The following SCARA5 variants were observed in gnomAD, a reference collection of about 807,000 sequenced individuals.
SCARA5 encodes scavenger receptor class A member 5.
Under a neutral mutation model 46.3 loss-of-function variants are expected in SCARA5, and 45 were observed. The ratio of observed to expected loss-of-function variants is 0.97; its 90% CI spans 0.76 to 1.24. The LOEUF is 1.24. SCARA5 is among the 50% of genes most tolerant of loss of function. The pLI, the probability that SCARA5 is intolerant of heterozygous loss-of-function variation, is 0.00. For missense variants in SCARA5, 680 were observed against 689.0 expected (o/e 0.99, Z 0.15); for synonymous variants, 333 against 306.5 (o/e 1.09, Z -0.90).
At chr8:27,912,134 A>G (rs1807387536) in intron 4 of SCARA5, among the ~76,000 whole-genome samples, 1 of 152,202 alleles carries the variant, frequency 6.6e-6, no homozygotes, top group African/African-American at 2.4e-5. Flanking sequence ...TAAACCACCA[A>G]GTTTATGATG....
At chr8:27,893,807 G>T (rs1453038289) in intron 7 of SCARA5, among the ~76,000 whole-genome samples, 1 of 152,226 alleles carries the variant, frequency 6.6e-6, no homozygotes, top group Non-Finnish European at 1.5e-5. Flanking sequence ...TATCACTGGG[G>T]TGTGAGATGA....
chr8:27,905,783 T>C (rs1807252259), intron 6 of SCARA5, among the ~76,000 whole-genome samples: 1 of 147,448 alleles, frequency 6.8e-6, no homozygotes, highest in Non-Finnish European at 1.5e-5. Context: ...CAATCTTAGC[T>C]CACTGCAACT....
chr8:27,991,004 A>T (rs1808779127), intron 1 of SCARA5, among the ~76,000 whole-genome samples: 1 of 152,250 alleles, frequency 6.6e-6, no homozygotes, highest in African/African-American at 2.4e-5. Context: ...TTAGAGCTGG[A>T]AAAGCCCTCA....
intron 4 of SCARA5, among the ~76,000 whole-genome samples, chr8:27,917,877 G>A (rs184077643): frequency 1.3e-5 from 2 of 152,294 alleles, no homozygotes; most frequent in Non-Finnish European, 2.9e-5. Flanking sequence ...CATGTGTTTG[G>A]AAGAAGAAAT....
chr8:27,890,626 T>C (rs1806966288), intron 7 of SCARA5, among the ~76,000 whole-genome samples: 1 of 151,644 alleles, frequency 6.6e-6, no homozygotes, highest in Admixed American at 6.6e-5. Context: ...CAACCTCCAG[T>C]GCCTGCATAT....
At chr8:27,917,067 T>C (rs1316818366) in intron 4 of SCARA5, among the ~76,000 whole-genome samples, 2 of 152,182 alleles carry the variant, frequency 1.3e-5, no homozygotes, top group Non-Finnish European at 2.9e-5. Context: ...AGGGCCCAAC[T>C]CTGCTGGCCC....
intron 3 of SCARA5, among the ~76,000 whole-genome samples, chr8:27,953,621 C>A (rs1377448525): frequency 6.6e-6 from 1 of 152,190 alleles, no homozygotes; most frequent in Non-Finnish European, 1.5e-5. Context: ...CTCTAGACGG[C>A]AGTTGCTAGC....
At chr8:27,902,067 A>G (rs1200649971) in intron 7 of SCARA5, among the ~76,000 whole-genome samples, 1 of 150,982 alleles carries the variant, frequency 6.6e-6, no homozygotes, top group Non-Finnish European at 1.5e-5. Context: ...CAGCCCCTTC[A>G]CCTCCCAATT....
chr8:27,907,621 C>A (rs1470803503), intron 5 of SCARA5, among the ~76,000 whole-genome samples: 2 of 136,694 alleles, frequency 1.5e-5, no homozygotes, highest in African/African-American at 5.5e-5. Flanking sequence ...GTCACCCAGG[C>A]TGGAGTGGCA....
intron 3 of SCARA5, among the ~76,000 whole-genome samples, chr8:27,953,888 A>AAG (rs1218350512): frequency 3.3e-5 from 5 of 152,190 alleles, no homozygotes; most frequent in African/African-American, 1.2e-4. Context: ...AATAGGCATC[A>AAG]AGAGCCCAGT....
chr8:27,914,363 GC>G (rs1807426943), intron 4 of SCARA5, among the ~76,000 whole-genome samples: 1 of 152,218 alleles, frequency 6.6e-6, no homozygotes, highest in Non-Finnish European at 1.5e-5. Context: ...CATGGGCAGA[GC>G]CCCCAAATCT....
intron 2 of SCARA5, among the ~76,000 whole-genome samples, chr8:27,980,895 G>A (rs1225680505): frequency 6.6e-6 from 1 of 152,142 alleles, no homozygotes; most frequent in Non-Finnish European, 1.5e-5. Context: ...TTCAGCAGAA[G>A]GCCAGGATCA....
intron 2 of SCARA5, among the ~76,000 whole-genome samples, chr8:27,980,378 G>A (rs1808594713): frequency 1.3e-5 from 2 of 152,158 alleles, no homozygotes; most frequent in Admixed American, 6.5e-5. Context: ...CCAGGGCTCT[G>A]TCCTCACTGC....
chr8:27,982,545 C>T (rs922058648), intron 2 of SCARA5, among the ~76,000 whole-genome samples: 2 of 152,198 alleles, frequency 1.3e-5, no homozygotes, highest in Non-Finnish European at 2.9e-5. Context: ...TCCAGCCCCA[C>T]AGGAGGATGC....
intron 3 of SCARA5, among the ~76,000 whole-genome samples, chr8:27,935,255 G>A (rs1368199096): frequency 6.6e-6 from 1 of 152,204 alleles, no homozygotes; most frequent in African/African-American, 2.4e-5. Flanking sequence ...GGTATCCAAA[G>A]CTTGGCAGTT....
Position 27,921,950 on chromosome 8 carries a change from G to C in SCARA5, c.537C>G (p.Asp179Glu). 1 of 1,544,782 alleles carries C rather than the reference G, an allele frequency of 6.5e-7. No individual in the cohort carries two copies. ...GCTGGTAGAGCTCCAGCTGCGCCGT[G>C]TCGCTCTGCTGGCCCGTGCGGTCCC... ...LLRDRTGQQSDTAQLELYQLQ... is the reference protein window; with the variant it reads ...LLRDRTGQQSETAQLELYQLQ... Residue 179 changes from aspartate (D) to glutamate (E), a missense_variant, in exon 4 of 9, where the codon GAC (aspartate) becomes GAG (glutamate). This residue lies in a region of SCARA5 where 438 missense variants were observed against 384.5 expected (regional missense o/e 1.14). Coordinates refer to ENST00000354914, the MANE Select transcript of SCARA5 (RefSeq NM_173833.6).
chr8:27,964,805 C>T (rs1284384432), intron 3 of SCARA5, among the ~76,000 whole-genome samples: 2 of 152,152 alleles, frequency 1.3e-5, no homozygotes, highest in African/African-American at 2.4e-5. Context: ...AGCCTGGTCC[C>T]TCTCCTCCAG....
intron 3 of SCARA5, among the ~76,000 whole-genome samples, chr8:27,957,176 G>C (rs886463345): frequency 2.0e-5 from 3 of 152,150 alleles, no homozygotes; most frequent in Non-Finnish European, 2.9e-5. Flanking sequence ...AAATAGAAAA[G>C]CTCCTTTTCT....
At chr8:27,926,537 G>A (rs1054735010) in intron 3 of SCARA5, among the ~76,000 whole-genome samples, 9 of 152,134 alleles carry the variant, frequency 5.9e-5, no homozygotes, top group Non-Finnish European at 1.2e-4. Context: ...CATGGCACAT[G>A]TTGTATCAAA....
Sources: allele counts gnomAD v4.1 joint callset (sites outside exome capture counted in the v4.1 genomes callset), GRCh38; gene constraint gnomAD v4.1.1; regional missense constraint gnomAD v4.1.1; transcripts MANE v1.5; gene names NCBI Gene and HGNC (gene_info 2026-07-23, HGNC 2026-07-21).